FRMPD3: variants seen among roughly 807,000 people sequenced by gnomAD.
FRMPD3 encodes the protein FERM and PDZ domain containing 3.
In FRMPD3, 42 loss-of-function variants were observed where a neutral mutation model predicts 97.9. The observed-to-expected ratio is 0.43, with a 90% CI of 0.34 to 0.55. FRMPD3 has a LOEUF of 0.55. FRMPD3 is among the 20% of genes least tolerant of loss of function. The pLI, the probability that FRMPD3 is intolerant of heterozygous loss-of-function variation, is 0.03. For synonymous variants in FRMPD3, 577 were observed against 581.1 expected (o/e 0.99, Z 0.10); for missense variants, 1,303 against 1,457.7 (o/e 0.89, Z 1.73).
In FRMPD3 at chrX:107,600,305, C is replaced by A; in HGVS notation, c.2266C>A (p.Leu756Met). 5.8e-6 allele frequency: 7 copies of A among 1,200,194 alleles called. No individual in the cohort carries two copies. Among genetic ancestry groups the A allele is most frequent in the Non-Finnish European group, 7.9e-6 (7 of 888,669 alleles). The change falls in exon 15 of 15, where the codon CTG becomes ATG. Residue 756 changes from leucine (L) to methionine (M), a missense_variant and splice_region_variant. By Grantham distance (15) the Leu-to-Met change is conservative (BLOSUM62 2). Around this residue, in one of 3 missense-constraint regions of FRMPD3, gnomAD observed 535 missense variants for 618.6 expected, o/e 0.86. Transcript: ENST00000683843. ...PHPPPPQTAG[L>M]IVLATITPES... ...AAGCCCTATCCCTGTTCCTCCAGGT[C>A]TGATTGTGCTGGCCACAATCACTCC...
At chrX:107,535,259 T>C (rs1602784050) in intron 4 of FRMPD3, among the ~76,000 whole-genome samples, 1 of 112,494 alleles carries the variant, frequency 8.9e-6, no homozygotes, top group Non-Finnish European at 1.9e-5. Flanking sequence ...AGCTGAAATA[T>C]TATATTTTTT....
In FRMPD3 at chrX:107,584,178, TTTG is replaced by T. The variant is rs757930061; in HGVS notation, c.1441+7738_1441+7740del. Among the ~76,000 whole-genome samples the T allele has an allele frequency of 2.0e-4, 22 of 111,505 alleles. No individual in the cohort carries two copies. In the South Asian group the frequency reaches 3.7e-3, roughly 19 times the overall value. On this transcript the variant is annotated intron_variant, in intron 13 of 14. Coordinates refer to ENST00000683843, the MANE Select transcript of FRMPD3 (RefSeq NM_001388459.1). ...CACCACGCCTGGCCCTGTTTTGTTT[TTTG>T]TTGTTGTTGTTGTTGTTGAGCATTT...
In FRMPD3 at chrX:107,598,079, C is replaced by T; in HGVS notation, c.2200C>T (p.Gln734Ter). 1 of 1,210,897 alleles carries T rather than the reference C, an allele frequency of 8.3e-7. No homozygotes were observed. Among genetic ancestry groups the T allele is most frequent in the Non-Finnish European group, 1.1e-6 (1 of 895,319 alleles). Residue 734 changes from glutamine (Q) to a stop codon, truncating the protein, a stop_gained, in exon 14 of 15, where the codon CAG becomes TAG. Transcript: ENST00000683843. LOFTEE classifies it high-confidence loss of function. The stretch of plus-strand genomic sequence containing the variant: ...AGATGATGCCCTGGTGTCCACTCTG[C>T]AGGCTCTAGAAGCCCTGGCTGCATC... ...ELDDALVSTL[Q>*]ALEALAASED...
chrX:107,474,592 G>T (rs1187885195), intron 1 of FRMPD3, among the ~76,000 whole-genome samples: 1 of 111,102 alleles, frequency 9.0e-6, no homozygotes, highest in African/African-American at 3.3e-5. Flanking sequence ...TCATTGGTAG[G>T]GGGTTTAGGA....
intron 13 of FRMPD3, among the ~76,000 whole-genome samples, chrX:107,583,337 T>G (rs1923485873): frequency 9.0e-6 from 1 of 110,540 alleles, no homozygotes; most frequent in Admixed American, 9.8e-5. Flanking sequence ...GAACATGCGA[T>G]GTTTGGTTTT....
intron 1 of FRMPD3, among the ~76,000 whole-genome samples, chrX:107,476,481 C>T (rs915871157): frequency 3.6e-5 from 4 of 112,111 alleles, no homozygotes; most frequent in Non-Finnish European, 5.6e-5. Context: ...CCTTAGCTCC[C>T]GGTTGCAAAC....
chrX:107,567,796 T>C (rs747925655), intron 12 of FRMPD3, among the ~76,000 whole-genome samples: 23 of 111,090 alleles, frequency 2.1e-4, no homozygotes, highest in Non-Finnish European at 4.0e-4. Flanking sequence ...AAAGTTGATT[T>C]GGACCAGGGT....
At chrX:107,478,843 G>A (rs1179410063) in intron 1 of FRMPD3, among the ~76,000 whole-genome samples, 1 of 111,982 alleles carries the variant, frequency 8.9e-6, no homozygotes, top group Non-Finnish European at 1.9e-5. Flanking sequence ...GCTCAAACAT[G>A]TGAGGGGCTT....
In FRMPD3 at chrX:107,499,044, C is replaced by T. The variant is rs142603422; in HGVS notation, c.-7-27538C>T. 7.1e-3 allele frequency among the ~76,000 whole-genome samples: 786 copies of T among 110,053 alleles called. 3 individuals are homozygous for T. The highest frequency in any genetic ancestry group is 0.023 in the African/African-American group (685 of 30,181). On this transcript the variant is annotated intron_variant, in intron 1 of 14. Coordinates refer to ENST00000683843, the MANE Select transcript of FRMPD3 (RefSeq NM_001388459.1). ...TCCGGTTCATTCAAAGAGCACTTAT[C>T]GAGTACCTATTCCTGTGCCAGGGAT...
At chrX:107,598,212 G>A in intron 14 of FRMPD3, 70 bp downstream of exon 14, 1 of 941,449 alleles carries the variant, frequency 1.1e-6, no homozygotes. Flanking sequence ...AGGTAACATT[G>A]TGTCTTCCCA....
chrX:107,548,825 T>C (rs746031211), intron 5 of FRMPD3, among the ~76,000 whole-genome samples: 24 of 110,905 alleles, frequency 2.2e-4, no homozygotes, highest in Non-Finnish European at 3.2e-4. Flanking sequence ...GCCTAGGCAA[T>C]AGAGCGAGAC....
At chrX:107,460,171 A>C (rs757212364) in intron 1 of FRMPD3, among the ~76,000 whole-genome samples, 36 of 111,298 alleles carry the variant, frequency 3.2e-4, no homozygotes, top group African/African-American at 1.1e-3. Context: ...AAACCCATTT[A>C]AGGCAGAAAG....
chrX:107,459,120 C>A (rs1448886579), intron 1 of FRMPD3, among the ~76,000 whole-genome samples: 1 of 112,108 alleles, frequency 8.9e-6, no homozygotes, highest in Non-Finnish European at 1.9e-5. Context: ...AGTACCATGA[C>A]CTGAAAGAGT....
chrX:107,457,767 A>T (rs1200503740), intron 1 of FRMPD3, among the ~76,000 whole-genome samples: 2 of 111,808 alleles, frequency 1.8e-5, no homozygotes, highest in African/African-American at 6.5e-5. Context: ...GTTGAATTGG[A>T]TTAGGTGAGA....
intron 4 of FRMPD3, among the ~76,000 whole-genome samples, chrX:107,539,501 G>A (rs1282851468): frequency 9.0e-6 from 1 of 111,077 alleles, no homozygotes. Flanking sequence ...CAGACAATCT[G>A]TTTCAAATGA....
At position 107,492,718 on chromosome X, in the gene FRMPD3, T is replaced by C. The variant is rs142498779; in HGVS notation, c.-7-33864T>C. Among the ~76,000 whole-genome samples, 53 of 112,225 alleles carry C rather than the reference T, an allele frequency of 4.7e-4. No individual in the cohort carries two copies. In the South Asian group the frequency reaches 7.2e-3, roughly 15 times the overall value. ...TAACAACATCCTCAGGTGATTTGTA[T>C]ACACATTAAATTTCGAGAAGCACTG... is the stretch of plus-strand genomic sequence containing the variant. On this transcript the variant is annotated intron_variant, in intron 1 of 14. Transcript: ENST00000683843.
intron 1 of FRMPD3, among the ~76,000 whole-genome samples, chrX:107,495,877 G>A (rs745316587): frequency 1.8e-5 from 2 of 112,342 alleles, no homozygotes; most frequent in Non-Finnish European, 1.9e-5. Flanking sequence ...CTAAAGTTTG[G>A]TAAATAGTGA....
chrX:107,590,402 T>C (rs911523810), intron 13 of FRMPD3, among the ~76,000 whole-genome samples: 1 of 110,021 alleles, frequency 9.1e-6, no homozygotes, highest in African/African-American at 3.5e-5. Flanking sequence ...ACAGACATTC[T>C]GGTCTTCTTC....
In FRMPD3 at chrX:107,602,416, G is replaced by A; in HGVS notation, c.4377G>A (p.Glu1459=). The A allele has an allele frequency of 8.3e-7, 1 of 1,210,198 alleles. No homozygotes were observed. Among genetic ancestry groups the A allele is most frequent in the East Asian group, 3.0e-5 (1 of 33,819 alleles). ...CCTCCTACGTCCAGGTTGCCCCAGA[G>A]ACCAAAGGCCCCAGACAGATGGCCG... The part of the protein sequence containing the change: ...GDPSYVQVAP[E]TKGPRQMAVF... Residue 1459 remains glutamate, a synonymous_variant, in exon 15 of 15, where the codon GAG becomes GAA. Coordinates refer to ENST00000683843, the MANE Select transcript of FRMPD3 (RefSeq NM_001388459.1).
Sources: gnomAD v4.1 joint callset for allele counts (sites outside exome capture counted in the v4.1 genomes callset) on GRCh38, gnomAD v4.1.1 for gene constraint, gnomAD v4.1.1 regional missense constraint, MANE v1.5 for transcripts, NCBI Gene and HGNC (gene_info 2026-07-23, HGNC 2026-07-21) for gene names.